Variants in PDXDC1 observed in about 807,000 individuals in gnomAD.
PDXDC1 encodes the protein pyridoxal-dependent decarboxylase domain-containing protein 1.
Under a neutral mutation model 100.1 loss-of-function variants are expected in PDXDC1, and 42 were observed. The ratio of observed to expected loss-of-function variants is 0.42; its 90% CI spans 0.33 to 0.54. The LOEUF is 0.54. Among genes scored for constraint, PDXDC1 ranks in the 20% least tolerant of loss-of-function variants. The probability of loss-of-function intolerance (pLI) is 0.10; values close to 1 mark genes in which losing one functional copy is unlikely to be tolerated. For synonymous variants in PDXDC1, 260 were observed against 371.7 expected (o/e 0.70, Z 3.46); for missense variants, 636 against 979.2 (o/e 0.65, Z 4.68).
At chr16:15,149,903 G>GA in the PDXDC1 span, among the ~76,000 whole-genome samples, 1,306 of 152,288 alleles carry the variant, frequency 8.6e-3, 6 homozygotes, top group Middle Eastern at 0.037. Context: ...CAATTTACAA[G>GA]AAACACAAAG....
chr16:15,133,784 C>A (rs1010926647), intron 16 of PDXDC1: 7 of 1,587,782 alleles, frequency 4.4e-6, no homozygotes, highest in Non-Finnish European at 6.0e-6. Context: ...CCTAAGCAGG[C>A]CTGTACTCAC....
chr16:15,066,886 C>T (rs2045002778), intron 16 of PDXDC1, among the ~76,000 whole-genome samples: 1 of 152,092 alleles, frequency 6.6e-6, no homozygotes, highest in African/African-American at 2.4e-5. Flanking sequence ...GCATCACACT[C>T]TGTGCCTCCA....
intron 16 of PDXDC1, among the ~76,000 whole-genome samples, chr16:15,082,995 AG>A (rs149778595): frequency 0.03 from 4,549 of 152,342 alleles, 105 homozygotes; most frequent in Non-Finnish European, 0.051. Context: ...ACTTGCACAT[AG>A]TAATAACAGA....
intron 18 of PDXDC1, 37 bp from the exon 19 acceptor site, chr16:15,033,241 G>A (rs2043174744): frequency 1.2e-6 from 2 of 1,613,006 alleles, no homozygotes; most frequent in East Asian, 2.2e-5. Flanking sequence ...CATGACAGAG[G>A]ACTGAGAAAC....
At chr16:15,137,954 G>T in intron 16 of PDXDC1, 2 of 778,372 alleles carry the variant, frequency 2.6e-6, no homozygotes, top group Admixed American at 2.1e-5. Flanking sequence ...TTGGGGACCA[G>T]GTCTGGTGGG....
At chr16:15,063,108 G>T in intron 16 of PDXDC1, 1 of 983,118 alleles carries the variant, frequency 1.0e-6, no homozygotes, top group Non-Finnish European at 1.7e-6. Flanking sequence ...GGGATTACAC[G>T]CACGAACGAC....
intron 16 of PDXDC1, among the ~76,000 whole-genome samples, chr16:15,055,016 A>G (rs1264015614): frequency 1.3e-5 from 2 of 152,088 alleles, no homozygotes; most frequent in African/African-American, 4.8e-5. Flanking sequence ...TTCATCAGAA[A>G]CCATTCTCCC....
intron 16 of PDXDC1, chr16:15,137,282 G>T: frequency 1.2e-6 from 1 of 839,038 alleles, no homozygotes. Flanking sequence ...CTGGAGGAGG[G>T]TGGGGCCCCT....
rs780579326 is a variant in PDXDC1, at chr16:15,130,751, G to A, written c.1400-8128G>A. The A allele has an allele frequency of 3.7e-6, 5 of 1,353,852 alleles. No homozygotes were observed. The East Asian group carries it at 9.1e-5, about 25-fold the overall frequency. 83.9% of individuals were successfully genotyped at this position (1,353,852 alleles called of 1,614,324 possible). A position where few individuals can be genotyped will look rare whatever the true frequency, so the allele number is the denominator to read the frequency against. The stretch of plus-strand genomic sequence containing the variant: ...TGGGCCGGGGCTCCGAGTGCAGGTA[G>A]ACTGCCAGGTAGGGCTCGGGTTCCT... On this transcript the variant is annotated intron_variant, in intron 16 of 16. Coordinates refer to the PDXDC1 transcript ENST00000535621.
chr16:15,135,947 A>G, intron 16 of PDXDC1: 4 of 1,578,158 alleles, frequency 2.5e-6, no homozygotes, highest in Non-Finnish European at 3.4e-6. Flanking sequence ...CACGCCGGGC[A>G]GGGCCACACG....
At chr16:15,143,654 C>T (rs1227091851), downstream of PDXDC1, among the ~76,000 whole-genome samples, 10 of 152,348 alleles carry the variant, frequency 6.6e-5, no homozygotes, top group East Asian at 9.7e-4. Flanking sequence ...GCCCCACAGG[C>T]GCTCCTGGGC....
At position 15,026,403 on chromosome 16, in the gene PDXDC1, A is replaced by G. The variant is rs7202643; in HGVS notation, c.1141-240A>G. 1,542 of 538,568 alleles carry G rather than the reference A, an allele frequency of 2.9e-3. 2 individuals are homozygous for G. The highest frequency in any genetic ancestry group is 0.02 in the African/African-American group (1,046 of 52,536). The allele number at this position is 538,568 out of a possible 1,614,324, so 33.4% of individuals were successfully genotyped here. On this transcript the variant is annotated intron_variant, in intron 13 of 22. Transcript: ENST00000396410. ...AAAATTTCCCCCTGCTTTAATTTCA[A>G]TGTACCAGGGTCAAACATCTTATAA...
chr16:15,088,550 C>T (rs1002848978), intron 16 of PDXDC1, among the ~76,000 whole-genome samples: 3 of 151,992 alleles, frequency 2.0e-5, no homozygotes, highest in Admixed American at 6.6e-5. Context: ...ATGAGAACTG[C>T]TGATACAAAA....
At chr16:15,127,935 G>C in intron 16 of PDXDC1, 1 of 1,439,938 alleles carries the variant, frequency 6.9e-7, no homozygotes, top group Non-Finnish European at 9.6e-7. Context: ...GGAGGCCACG[G>C]GGCAGGACCA....
chr16:15,140,227 C>T (rs2048446391), downstream of PDXDC1, among the ~76,000 whole-genome samples: 1 of 151,124 alleles, frequency 6.6e-6, no homozygotes, highest in South Asian at 2.1e-4. Flanking sequence ...GGCGGATCAC[C>T]TGAGGTCAGG....
Position 15,072,918 on chromosome 16 carries a change from G to C in PDXDC1, c.1399+42862G>C, listed in dbSNP as rs780934912. The C allele has an allele frequency of 1.9e-6, 3 of 1,607,304 alleles. No individual in the cohort carries two copies. In the African/African-American group the frequency reaches 4.0e-5, roughly 22 times the overall value. On this transcript the variant is annotated intron_variant, in intron 16 of 16. Transcript: ENST00000535621. Reference sequence around the variant, plus strand: ...AAATTTTTGGGCAAAAACAAAGTAAGCTAAGATAATGTTAATCACATTCTT... The same window carrying C: ...AAATTTTTGGGCAAAAACAAAGTAACCTAAGATAATGTTAATCACATTCTT...
intron 7 of PDXDC1, chr16:15,009,339 C>G (rs1242617293): frequency 8.1e-6 from 3 of 371,666 alleles, no homozygotes; most frequent in African/African-American, 6.3e-5. Flanking sequence ...GTTTTATTTT[C>G]TAGTTCAGGT....
At position 15,098,013 on chromosome 16, in the gene PDXDC1, G is replaced by A. The variant is rs190598769; in HGVS notation, c.1400-40866G>A. The stretch of plus-strand genomic sequence containing the variant: ...CTGGAGTGCAGTGGCATGATCTCCC[G>A]CCGTCCTCCCACCTCGGCCTCCCAA... On this transcript the variant is annotated intron_variant, in intron 16 of 16. Coordinates refer to the PDXDC1 transcript ENST00000535621. Among the ~76,000 whole-genome samples the A allele has an allele frequency of 3.6e-3, 414 of 115,088 alleles. 1 individual carries two copies. The highest frequency in any genetic ancestry group is 0.012 in the African/African-American group (364 of 30,234). The allele number at this position is 115,088 out of a possible 152,430, so 75.5% of individuals were successfully genotyped here. A position where few individuals can be genotyped will look rare whatever the true frequency, so the allele number is the denominator to read the frequency against.
At chr16:15,128,116 G>A (rs773332429) in intron 16 of PDXDC1, 1 of 1,609,898 alleles carries the variant, frequency 6.2e-7, no homozygotes, top group Admixed American at 1.7e-5. Context: ...CGTGCTGCAG[G>A]AACCAGGCAG....
Sources: gnomAD v4.1 joint callset for allele counts (sites outside exome capture counted in the v4.1 genomes callset) on GRCh38, gnomAD v4.1.1 for gene constraint, MANE v1.5 for transcripts, NCBI Gene and HGNC (gene_info 2026-07-23, HGNC 2026-07-21) for gene names.